Variants in TNRC6C observed in about 807,000 individuals in gnomAD.
TNRC6C encodes the protein trinucleotide repeat containing adaptor 6C.
TNRC6C carries 20 observed loss-of-function variants against 153.7 expected under a neutral mutation model. That is an observed-to-expected ratio of 0.13 (90% CI 0.09 to 0.19). TNRC6C has a LOEUF of 0.19. Ranked by LOEUF, TNRC6C falls within the 10% of genes least tolerant of loss-of-function variation. The pLI, the probability that TNRC6C is intolerant of heterozygous loss-of-function variation, is 1.00. For missense variants in TNRC6C, 1,987 were observed against 2,172.0 expected (o/e 0.91, Z 1.69); for synonymous variants, 811 against 841.4 (o/e 0.96, Z 0.63).
chr17:77,959,288 C>T lies in TNRC6C; in HGVS notation c.-38+20C>T. 1 of 151,232 alleles carries T rather than the reference C, an allele frequency of 6.6e-6. No homozygotes were observed. The highest frequency in any genetic ancestry group is 1.8e-4 in the South Asian group (1 of 5,660). The allele number at this position is 151,232 out of a possible 1,614,324, so 9.4% of individuals were successfully genotyped here. A position where few individuals can be genotyped will look rare whatever the true frequency, so the allele number is the denominator to read the frequency against. On this transcript the variant is annotated intron_variant, in intron 1 of 22. Coordinates refer to the TNRC6C transcript ENST00000636222. The stretch of plus-strand genomic sequence containing the variant: ...GCCCAGGTGAGCGCGGCAGTCCGCC[C>T]GCTCCTCGCCGCAGCCGCAACTTTG...
intron 1 of TNRC6C, among the ~76,000 whole-genome samples, chr17:77,977,122 C>CTA (rs945958772): frequency 6.6e-6 from 1 of 151,570 alleles, no homozygotes; most frequent in African/African-American, 2.4e-5. Context: ...ATAATGATTA[C>CTA]TATATATACG....
Position 78,075,055 on chromosome 17 carries a change from TGAG to T in TNRC6C, c.2918-79_2918-77del. The T allele has an allele frequency of 6.5e-7, 1 of 1,534,602 alleles. No homozygotes were observed. Among genetic ancestry groups the T allele is most frequent in the South Asian group, 1.2e-5 (1 of 82,526 alleles). On this transcript the variant is annotated intron_variant, in intron 7 of 19. Coordinates refer to ENST00000301624, the Ensembl canonical transcript of TNRC6C. This position sits in a 1 kb window ranked among gnomAD's most constrained non-coding sequence, Gnocchi z 4.2. Reference sequence around the variant, plus strand: ...GGGGTGGAGGGTCTCCATCCCTCCTTGAGGCCTTAGCTGGTGCCTATCTTGTGC... The same window carrying T: ...GGGGTGGAGGGTCTCCATCCCTCCTTGCCTTAGCTGGTGCCTATCTTGTGC...
At chr17:77,981,726 C>A (rs1219867802) in intron 1 of TNRC6C, among the ~76,000 whole-genome samples, 1 of 152,142 alleles carries the variant, frequency 6.6e-6, no homozygotes, top group African/African-American at 2.4e-5. Flanking sequence ...GGCCTGCCAC[C>A]TATTTTAGTA....
chr17:78,093,418 C>G, intron 15 of TNRC6C: 1 of 729,278 alleles, frequency 1.4e-6, no homozygotes, highest in East Asian at 2.7e-5. Context: ...TGAAAACTAG[C>G]TTAATATGAT....
At position 77,976,223 on chromosome 17, in the gene TNRC6C, G is replaced by A. The variant is rs139137286; in HGVS notation, c.-38+16955G>A. 1.1e-4 allele frequency among the ~76,000 whole-genome samples: 17 copies of A among 152,110 alleles called. No homozygotes were observed. The East Asian group carries it at 3.3e-3, about 29-fold the overall frequency. On this transcript the variant is annotated intron_variant, in intron 1 of 22. Transcript: ENST00000636222. ...TCTTTAATTACATATTTGTGTATAC[G>A]TTTCTGTAATTTCAAAGAAGTGAGT...
intron 1 of TNRC6C, among the ~76,000 whole-genome samples, chr17:77,968,167 G>A (rs1380979278): frequency 6.6e-6 from 1 of 152,164 alleles, no homozygotes; most frequent in Non-Finnish European, 1.5e-5. Context: ...TGAGTAGGCG[G>A]GATTACAGGT....
chr17:78,087,152 A>G, intron 13 of TNRC6C, 59 bp downstream of exon 15: 2 of 1,580,378 alleles, frequency 1.3e-6, no homozygotes, highest in East Asian at 2.2e-5. Context: ...TGGAGTCCGT[A>G]TGTGGTAGCC....
At chr17:78,101,298 A>G (rs1165562739) in intron 17 of TNRC6C, among the ~76,000 whole-genome samples, 1 of 152,212 alleles carries the variant, frequency 6.6e-6, no homozygotes, top group African/African-American at 2.4e-5. Flanking sequence ...GTTCCCAACA[A>G]GTTCCTCATT....
chr17:78,065,017 A>G, intron 4 of TNRC6C, 80 bp downstream of exon 6: 1 of 1,442,500 alleles, frequency 6.9e-7, no homozygotes. Context: ...TTAGAGTTTT[A>G]GGATACTTTC....
chr17:78,067,369 A>C (rs1307210498), intron 4 of TNRC6C, among the ~76,000 whole-genome samples: 2 of 152,160 alleles, frequency 1.3e-5, no homozygotes, highest in Non-Finnish European at 2.9e-5. Flanking sequence ...TACAAATTTT[A>C]AAAACCACAC....
At chr17:78,003,504 A>G (rs1412901029), upstream of TNRC6C, among the ~76,000 whole-genome samples, 1 of 152,192 alleles carries the variant, frequency 6.6e-6, no homozygotes, top group South Asian at 2.1e-4. Flanking sequence ...AACTCAGTAG[A>G]AGGATTAGAA....
Position 78,107,184 on chromosome 17 carries a change from CTG to C in TNRC6C, c.*2341_*2342del, listed in dbSNP as rs371681337. On this transcript the variant is annotated 3_prime_UTR_variant, in exon 20 of 20. Coordinates refer to ENST00000301624, the Ensembl canonical transcript of TNRC6C. ...CGGCGAGCATTGAGTTGTAGAAAAA[CTG>C]TTGTTTTAAAATTGGGGATGGAAGT... 28 of 152,284 alleles carry C rather than the reference CTG, an allele frequency of 1.8e-4. No individual in the cohort carries two copies. In the East Asian group the frequency reaches 4.4e-3, roughly 24 times the overall value. 9.4% of individuals were successfully genotyped at this position (152,284 alleles called of 1,614,324 possible).
chr17:78,056,558 G>A (rs966770692), intron 3 of TNRC6C, among the ~76,000 whole-genome samples: 7 of 151,880 alleles, frequency 4.6e-5, no homozygotes, highest in Non-Finnish European at 7.4e-5. Flanking sequence ...CCGCCTCCCA[G>A]GTTCACGCCA....
chr17:78,106,413 C>G (rs1343476457), exon 20 of TNRC6C: 1 of 151,790 alleles, frequency 6.6e-6, no homozygotes, highest in South Asian at 2.1e-4. Context: ...GTTGTGGCCA[C>G]TGTCTTGCAC....
chr17:78,080,950 G>T (rs1158955046), intron 10 of TNRC6C, among the ~76,000 whole-genome samples: 1 of 152,074 alleles, frequency 6.6e-6, no homozygotes, highest in Admixed American at 6.6e-5. Context: ...TAGTTTGTTG[G>T]AATATGGTGT....
intron 1 of TNRC6C, among the ~76,000 whole-genome samples, chr17:77,987,931 T>G (rs2071194509): frequency 6.6e-6 from 1 of 152,056 alleles, no homozygotes; most frequent in Non-Finnish European, 1.5e-5. Context: ...CCGCCCGCCT[T>G]GGCCTCTCAA....
intron 3 of TNRC6C, among the ~76,000 whole-genome samples, chr17:78,059,942 G>T (rs1029708755): frequency 1.3e-5 from 2 of 151,772 alleles, no homozygotes; most frequent in East Asian, 3.9e-4. Context: ...TATTAGTATC[G>T]TGAAATCAAA....
At chr17:78,002,025 A>G (rs1483086035), upstream of TNRC6C, among the ~76,000 whole-genome samples, 2 of 152,182 alleles carry the variant, frequency 1.3e-5, no homozygotes, top group African/African-American at 4.8e-5. Context: ...CTTGACTTAT[A>G]AATTTATTTT....
chr17:78,024,701 C>T (rs1301324192), intron 1 of TNRC6C, among the ~76,000 whole-genome samples: 1 of 151,810 alleles, frequency 6.6e-6, no homozygotes, highest in African/African-American at 2.4e-5. Context: ...AACAATCGAG[C>T]TGAAAGTATA....
Sources: allele counts gnomAD v4.1 joint callset (sites outside exome capture counted in the v4.1 genomes callset), GRCh38; gene constraint gnomAD v4.1.1; non-coding constraint Gnocchi (gnomAD v3.1); transcripts MANE v1.5; gene names NCBI Gene and HGNC (gene_info 2026-07-23, HGNC 2026-07-21).